MAPK8IP3: variants seen among roughly 807,000 people sequenced by gnomAD.
The protein encoded by MAPK8IP3 is mitogen-activated protein kinase 8 interacting protein 3, also known as C-Jun-amino-terminal kinase-interacting protein 3.
MAPK8IP3 carries 49 observed loss-of-function variants against 157.8 expected under a neutral mutation model. The ratio of observed to expected loss-of-function variants is 0.31; its 90% CI spans 0.25 to 0.39. The LOEUF is 0.39. MAPK8IP3 is among the 10% of genes least tolerant of loss of function. The probability of loss-of-function intolerance (pLI) is 1.00; values close to 1 mark genes in which losing one functional copy is unlikely to be tolerated. For missense variants in MAPK8IP3, 1,478 were observed against 1,889.4 expected, an observed-to-expected ratio of 0.78 and a Z score of 4.04; for synonymous variants, 897 against 777.7, an observed-to-expected ratio of 1.15 and a Z score of -2.55.
At chr16:1,758,245 C>G (rs1480894144) in intron 9 of MAPK8IP3, 86 bp downstream of exon 9, 3 of 1,528,194 alleles carry the variant, frequency 2.0e-6, no homozygotes, top group Non-Finnish European at 2.7e-6. Context: ...ATCCCGTCAC[C>G]GTGGCTGTGT....
chr16:1,754,949 A>G (rs377585239), intron 8 of MAPK8IP3, among the ~76,000 whole-genome samples: 90 of 152,288 alleles, frequency 5.9e-4, no homozygotes, highest in Middle Eastern at 3.4e-3. Flanking sequence ...CACCGTTCCC[A>G]CAGGAATCCG....
chr16:1,706,365 G>A lies in MAPK8IP3; in HGVS notation c.26G>A (p.Gly9Asp), dbSNP rs1422263498. 7 of 1,602,798 alleles carry A rather than the reference G, an allele frequency of 4.4e-6. No individual in the cohort carries two copies. Among genetic ancestry groups the A allele is most frequent in the Non-Finnish European group, 5.1e-6 (6 of 1,175,424 alleles). Reference protein sequence around the residue: MMEIQMDEGGGVVVYQDDY... With the variant: MMEIQMDEDGGVVVYQDDY... ...ATGATGGAGATCCAGATGGACGAGG[G>A]CGGCGGCGTGGTGGTGTACCAGGAC... Residue 9 changes from glycine (G) to aspartate (D), a missense_variant, in exon 1 of 32, where the codon GGC becomes GAC. Physicochemically the swap from Gly to Asp is moderately conservative, Grantham distance 94. Around this residue, in one of 11 missense-constraint regions of MAPK8IP3, gnomAD observed 29 missense variants for 29.8 expected, o/e 0.97. Coordinates refer to ENST00000610761, the MANE Select transcript of MAPK8IP3 (RefSeq NM_001318852.2). This position sits in a 1 kb window ranked among gnomAD's most constrained non-coding sequence, Gnocchi z 5.1.
intron 17 of MAPK8IP3, 110 bp from the exon 18 acceptor site, chr16:1,764,005 T>C (rs1304467717): frequency 2.5e-6 from 3 of 1,186,592 alleles, no homozygotes; most frequent in Non-Finnish European, 3.5e-6. Flanking sequence ...CTGCCTCCAG[T>C]CTTGAAGTGG....
intron 4 of MAPK8IP3, among the ~76,000 whole-genome samples, chr16:1,735,841 G>T (rs2039707272): frequency 7.1e-6 from 1 of 141,316 alleles, no homozygotes; most frequent in African/African-American, 2.7e-5. Flanking sequence ...GTGAGAGCGT[G>T]ACCGCCCGTG....
chr16:1,711,966 A>G (rs2037806290), intron 1 of MAPK8IP3, among the ~76,000 whole-genome samples: 1 of 150,900 alleles, frequency 6.6e-6, no homozygotes, highest in African/African-American at 2.4e-5. Context: ...AAGAAAAAAA[A>G]AGAAAACTGA....
intron 1 of MAPK8IP3, among the ~76,000 whole-genome samples, chr16:1,717,770 C>T (rs1395039579): frequency 5.3e-5 from 8 of 152,194 alleles, no homozygotes; most frequent in Non-Finnish European, 1.2e-4. Flanking sequence ...TTATTTTTCT[C>T]AGCTCCGTTT....
rs780399067 is a variant in MAPK8IP3 at position 1,767,623 on chromosome 16, C to T, written c.3297C>T (p.Gly1099=). ...AGGTGCGGCAGCTGGCGTGGATCGG[C>T]GATGGCGTATGGGTGTCCATCCGCC... ...ESQVRQLAWI[G]DGVWVSIRLD... Residue 1099 remains glycine (G), a synonymous_variant, in exon 27 of 32, where the codon GGC becomes GGT. Transcript: ENST00000610761. 5.5e-5 allele frequency: 89 copies of T among 1,612,432 alleles called. No individual in the cohort carries two copies. The highest frequency in any genetic ancestry group is 1.7e-4 in the Middle Eastern group (1 of 5,910).
rs749973937 is a variant in MAPK8IP3, at chr16:1,767,277, C to T, written c.3217C>T (p.Pro1073Ser). 2 of 1,613,256 alleles carry T rather than the reference C, an allele frequency of 1.2e-6. No individual in the cohort carries two copies. The highest frequency in any genetic ancestry group is 1.1e-5 in the South Asian group (1 of 91,090). The stretch of plus-strand genomic sequence containing the variant: ...CAAGAACAAGGTGCACGTCATCCAG[C>T]CCAAGACCATGCAGATAGAGGCGAG... ...GYKNKVHVIQ[P>S]KTMQIEKSFD... The change falls in exon 26 of 32, where the codon CCC becomes TCC. Residue 1073 changes from proline to serine, a missense_variant. Coordinates refer to ENST00000610761, the MANE Select transcript of MAPK8IP3 (RefSeq NM_001318852.2).
At chr16:1,718,310 GAGT>G (rs1194129644) in intron 1 of MAPK8IP3, among the ~76,000 whole-genome samples, 4 of 151,494 alleles carry the variant, frequency 2.6e-5, no homozygotes, top group Non-Finnish European at 5.9e-5. Flanking sequence ...TCAGCCTCCT[GAGT>G]AGCTGGGATT....
intron 6 of MAPK8IP3, among the ~76,000 whole-genome samples, chr16:1,747,965 T>G (rs1282979873): frequency 6.6e-6 from 1 of 152,214 alleles, no homozygotes; most frequent in Non-Finnish European, 1.5e-5. Flanking sequence ...GCCACTGGCT[T>G]GCTTGGACGT....
Position 1,751,147 on chromosome 16 carries a change from GTC to G in MAPK8IP3, c.1216+2428_1216+2429del, listed in dbSNP as rs1234262018. On this transcript the variant is annotated intron_variant, in intron 8 of 31. Transcript: ENST00000610761. This position sits in a 1 kb window ranked among gnomAD's most constrained non-coding sequence, Gnocchi z 5.0. ...AGCATCAAGCCGCCCTCCTGCCAGT[GTC>G]CCCATTTATAGATGAAGAAACTGAG... Among the ~76,000 whole-genome samples, 1 of 152,038 alleles carries G rather than the reference GTC, an allele frequency of 6.6e-6. No homozygotes were observed. Among genetic ancestry groups the G allele is most frequent in the Non-Finnish European group, 1.5e-5 (1 of 68,008 alleles).
At chr16:1,759,854 C>T (rs193180430) in intron 10 of MAPK8IP3, 104 bp from the exon 11 acceptor site, 3 of 1,031,220 alleles carry the variant, frequency 2.9e-6, no homozygotes, top group East Asian at 4.8e-5. Context: ...TCATCCCCAG[C>T]CAGGCTACCC....
chr16:1,738,429 TGA>T (rs139239821), intron 4 of MAPK8IP3, among the ~76,000 whole-genome samples: 1,875 of 85,062 alleles, frequency 0.022, 130 homozygotes, highest in African/African-American at 0.044. Context: ...TGTGACCGTG[TGA>T]GAGAGTGACC....
At chr16:1,734,300 G>A (rs1436212924) in intron 4 of MAPK8IP3, among the ~76,000 whole-genome samples, 1 of 152,250 alleles carries the variant, frequency 6.6e-6, no homozygotes, top group African/African-American at 2.4e-5. Context: ...GCAGGGCTAT[G>A]GCTGGGCTAC....
Position 1,724,487 on chromosome 16 carries a change from C to T in MAPK8IP3, c.319-70C>T, listed in dbSNP as rs577371954. 5.1e-6 allele frequency: 8 copies of T among 1,570,638 alleles called. No individual in the cohort carries two copies. The highest frequency in any genetic ancestry group is 6.9e-6 in the Non-Finnish European group (8 of 1,155,638). ...CCCCTGGGCCCTCAAAGCCTGCGGC[C>T]CTTCAAGTGAAAGGCGGCTGCTCCA... On this transcript the variant is annotated intron_variant, in intron 1 of 31. Coordinates refer to ENST00000610761, the MANE Select transcript of MAPK8IP3 (RefSeq NM_001318852.2). This position sits in a 1 kb window ranked among gnomAD's most constrained non-coding sequence, Gnocchi z 4.1.
intron 4 of MAPK8IP3, among the ~76,000 whole-genome samples, chr16:1,730,568 T>A (rs2039238773): frequency 1.3e-5 from 2 of 150,602 alleles, no homozygotes; most frequent in South Asian, 4.2e-4. Flanking sequence ...TGAAACCCCA[T>A]CTCTACGAAA....
At position 1,759,998 on chromosome 16, in the gene MAPK8IP3, A is replaced by T. The variant is rs773967557; in HGVS notation, c.1287A>T (p.Ser429=). 3 of 1,614,072 alleles carry T rather than the reference A, an allele frequency of 1.9e-6. No individual in the cohort carries two copies. The African/African-American group carries it at 4.0e-5, about 22-fold the overall frequency. The change falls in exon 11 of 32, where the codon TCA becomes TCT. Residue 429 remains serine, a synonymous_variant. Transcript: ENST00000610761. ...KEVGNLLLEN[S]QLLETKNALN... ...TGGGGAATCTGCTACTGGAAAACTCACAGCTTCTGGAAACCAAGTAAGAGT... is the reference window on the plus strand; with the variant it reads ...TGGGGAATCTGCTACTGGAAAACTCTCAGCTTCTGGAAACCAAGTAAGAGT...
At chr16:1,749,518 C>G (rs1259209927) in intron 8 of MAPK8IP3, among the ~76,000 whole-genome samples, 1 of 152,204 alleles carries the variant, frequency 6.6e-6, no homozygotes, top group Non-Finnish European at 1.5e-5. Flanking sequence ...ACCCCTGTGC[C>G]TAGGTCTGTG....
At chr16:1,707,586 T>G (rs536715066) in intron 1 of MAPK8IP3, 1 of 152,394 alleles carries the variant, frequency 6.6e-6, no homozygotes, top group African/African-American at 2.4e-5. Flanking sequence ...CGTCAGATAC[T>G]GAGCTCGGCC....
Sources: gnomAD v4.1 joint callset for allele counts (sites outside exome capture counted in the v4.1 genomes callset) on GRCh38, gnomAD v4.1.1 for gene constraint, gnomAD v4.1.1 regional missense constraint, Gnocchi (gnomAD v3.1) non-coding constraint, MANE v1.5 for transcripts, NCBI Gene and HGNC (gene_info 2026-07-23, HGNC 2026-07-21) for gene names.